The following NME7 variants were observed in gnomAD, a reference collection of about 807,000 sequenced individuals.
The protein encoded by NME7 is nucleoside diphosphate kinase 7.
NME7 carries 41 observed loss-of-function variants against 49.1 expected under a neutral mutation model. The ratio of observed to expected loss-of-function variants is 0.83; its 90% CI spans 0.65 to 1.08. NME7 has a LOEUF of 1.08. NME7 is among the 50% of genes least tolerant of loss of function. The pLI, the probability that NME7 is intolerant of heterozygous loss-of-function variation, is 0.00. For synonymous variants in NME7, 139 were observed against 150.6 expected (o/e 0.92, Z 0.56); for missense variants, 423 against 463.4 (o/e 0.91, Z 0.80).
At chr1:169,171,525 G>T (rs543373696) in intron 10 of NME7, among the ~76,000 whole-genome samples, 3 of 152,336 alleles carry the variant, frequency 2.0e-5, no homozygotes, top group East Asian at 1.9e-4. Flanking sequence ...CACTTTGGGA[G>T]GCCGAGGCGG....
intron 1 of NME7, among the ~76,000 whole-genome samples, chr1:169,362,824 C>A (rs2101991282): frequency 6.6e-6 from 1 of 152,226 alleles, no homozygotes; most frequent in Non-Finnish European, 1.5e-5. Context: ...TTTACTCTAG[C>A]CAATTTTAGG....
intron 1 of NME7, among the ~76,000 whole-genome samples, chr1:169,347,991 T>C (rs1288616647): frequency 6.6e-6 from 1 of 152,198 alleles, no homozygotes; most frequent in East Asian, 1.9e-4. Flanking sequence ...ATTACTACTA[T>C]TCTGCATTAG....
intron 10 of NME7, among the ~76,000 whole-genome samples, chr1:169,182,324 G>A (rs1659953178): frequency 6.6e-6 from 1 of 152,028 alleles, no homozygotes; most frequent in Non-Finnish European, 1.5e-5. Flanking sequence ...CCCCCACAGG[G>A]CTCTTATACT....
intron 11 of NME7, among the ~76,000 whole-genome samples, chr1:169,165,990 TGA>T (rs1421941283): frequency 2.6e-5 from 4 of 152,224 alleles, no homozygotes; most frequent in Non-Finnish European, 5.9e-5. Context: ...AAATCTCCAG[TGA>T]AGTTAGATCA....
intron 1 of NME7, among the ~76,000 whole-genome samples, chr1:169,344,527 C>T (rs1310551291): frequency 6.6e-6 from 1 of 152,168 alleles, no homozygotes; most frequent in Non-Finnish European, 1.5e-5. Context: ...TTTCATGAAT[C>T]CCCTTAGTTC....
intron 1 of NME7, among the ~76,000 whole-genome samples, chr1:169,343,967 G>C (rs547135572): frequency 1.9e-4 from 29 of 152,300 alleles, no homozygotes; most frequent in African/African-American, 6.5e-4. Context: ...CTGGGATTTT[G>C]ATAGGAATTG....
At chr1:169,173,310 T>C (rs1659656429) in intron 10 of NME7, among the ~76,000 whole-genome samples, 1 of 152,172 alleles carries the variant, frequency 6.6e-6, no homozygotes, top group Non-Finnish European at 1.5e-5. Context: ...AATAAATATA[T>C]AACATCTCTT....
At chr1:169,300,423 T>C (rs777118811) in intron 5 of NME7, among the ~76,000 whole-genome samples, 4 of 152,280 alleles carry the variant, frequency 2.6e-5, no homozygotes, top group East Asian at 1.9e-4. Context: ...TCAAATAACA[T>C]GTCTACTGTG....
chr1:169,141,673 C>T (rs1038596967), intron 11 of NME7, among the ~76,000 whole-genome samples: 5 of 152,114 alleles, frequency 3.3e-5, no homozygotes, highest in African/African-American at 9.7e-5. Flanking sequence ...ATACTTCATA[C>T]ACATTTCAGT....
At chr1:169,138,329 TAAA>T (rs574746696) in intron 11 of NME7, among the ~76,000 whole-genome samples, 5 of 150,584 alleles carry the variant, frequency 3.3e-5, no homozygotes, top group Non-Finnish European at 1.5e-5. Flanking sequence ...TAAATAAAAA[TAAA>T]AAAAAGACTA....
At chr1:169,188,756 A>T (rs1230168243) in intron 10 of NME7, among the ~76,000 whole-genome samples, 1 of 152,214 alleles carries the variant, frequency 6.6e-6, no homozygotes, top group Non-Finnish European at 1.5e-5. Flanking sequence ...CAGCTGTGGG[A>T]TCAGATCATT....
At chr1:169,240,646 T>C (rs10919105) in intron 7 of NME7, among the ~76,000 whole-genome samples, 96,209 of 151,770 alleles carry the variant, frequency 0.63, 30,799 homozygotes, top group East Asian at 0.92. Flanking sequence ...TGATTTTTAA[T>C]ATCACACATT....
intron 4 of NME7, among the ~76,000 whole-genome samples, 180 bp downstream of exon 4, chr1:169,309,790 C>T (rs372038725): frequency 6.6e-6 from 1 of 151,978 alleles, no homozygotes; most frequent in African/African-American, 2.4e-5. Flanking sequence ...TTTAGGGGGC[C>T]GGCTTTGTCA....
At chr1:169,260,236 T>A in intron 7 of NME7, among the ~76,000 whole-genome samples, 1 of 133,404 alleles carries the variant, frequency 7.5e-6, no homozygotes, top group East Asian at 2.0e-4. Flanking sequence ...CATTCAAAAA[T>A]CAATTACACT....
At chr1:169,181,440 T>A (rs1659930722) in intron 10 of NME7, among the ~76,000 whole-genome samples, 1 of 151,716 alleles carries the variant, frequency 6.6e-6, no homozygotes, top group African/African-American at 2.4e-5. Context: ...CCCCTTTCCA[T>A]TCAGTGCCAA....
rs527321989 is a variant in NME7 at position 169,328,267 on chromosome 1, T to C, written c.4-3767A>G. Among the ~76,000 whole-genome samples, 8 of 152,310 alleles carry C rather than the reference T, an allele frequency of 5.3e-5. No individual in the cohort carries two copies. In the South Asian group the frequency reaches 1.7e-3, roughly 32 times the overall value. ...CTGGGCAAGACTTAATGTCTCTAAC[T>C]CTCATTTTCCCCATTTGAAAAATGG... On this transcript the variant is annotated intron_variant, in intron 1 of 11. Transcript: ENST00000367811.
intron 11 of NME7, among the ~76,000 whole-genome samples, chr1:169,135,767 T>C (rs1658409780): frequency 6.6e-6 from 1 of 152,292 alleles, no homozygotes; most frequent in South Asian, 2.1e-4. Flanking sequence ...TCTTGGTTCA[T>C]GCTTTAATTC....
intron 1 of NME7, among the ~76,000 whole-genome samples, chr1:169,350,166 GAAGA>G (rs1416409770): frequency 1.4e-5 from 2 of 147,192 alleles, no homozygotes; most frequent in Non-Finnish European, 3.0e-5. Context: ...AAGAAAGAAA[GAAGA>G]AAGAAAGGAA....
intron 10 of NME7, among the ~76,000 whole-genome samples, chr1:169,205,954 C>T (rs1265192232): frequency 6.6e-6 from 1 of 152,148 alleles, no homozygotes; most frequent in African/African-American, 2.4e-5. Flanking sequence ...AGCTTTGGCA[C>T]TTGCTGTTCC....
Sources: gnomAD v4.1 joint callset for allele counts (sites outside exome capture counted in the v4.1 genomes callset) on GRCh38, gnomAD v4.1.1 for gene constraint, MANE v1.5 for transcripts, NCBI Gene and HGNC (gene_info 2026-07-23, HGNC 2026-07-21) for gene names.